Variants in EPHA6 observed in about 807,000 individuals in gnomAD.
The protein encoded by EPHA6 is ephrin type-A receptor 6.
A neutral mutation model predicts 112.0 loss-of-function variants in EPHA6; 50 were observed. The observed-to-expected ratio is 0.45, with a 90% CI of 0.36 to 0.56. The LOEUF (loss-of-function observed/expected upper bound fraction) is 0.56. Among genes scored for constraint, EPHA6 ranks in the 20% least tolerant of loss-of-function variants. The pLI, the probability that EPHA6 is intolerant of heterozygous loss-of-function variation, is 0.00. For missense variants in EPHA6, 1,280 were observed against 1,417.4 expected (o/e 0.90, Z 1.56); for synonymous variants, 529 against 490.7 (o/e 1.08, Z -1.03).
chr3:96,894,131 A>G lies in EPHA6; in HGVS notation c.450+27242A>G. 1.3e-5 allele frequency among the ~76,000 whole-genome samples: 2 copies of G among 152,102 alleles called. 1 individual carries two copies. The highest frequency in any genetic ancestry group is 3.9e-4 in the East Asian group (2 of 5,170). ...TTAGGGGCAGTGTTATGGGCTACAT[A>G]TTGAATTCATTTGTGATCTGGCACA... On this transcript the variant is annotated intron_variant, in intron 2 of 17. Transcript: ENST00000389672.
chr3:97,005,664 G>A (rs780519127), intron 3 of EPHA6, among the ~76,000 whole-genome samples: 8 of 152,106 alleles, frequency 5.3e-5, no homozygotes, highest in African/African-American at 1.2e-4. Flanking sequence ...TTGAATAGGC[G>A]TGGTAAGAGA....
intron 14 of EPHA6, chr3:97,648,536 C>CAACTTTAAG: frequency 7.9e-7 from 1 of 1,259,284 alleles, no homozygotes; most frequent in Middle Eastern, 2.9e-4. Context: ...TGAACATGTC[C>CAACTTTAAG]AACTTTAAGA....
At chr3:97,698,233 C>G (rs1315436569) in intron 14 of EPHA6, among the ~76,000 whole-genome samples, 1 of 152,092 alleles carries the variant, frequency 6.6e-6, no homozygotes, top group Non-Finnish European at 1.5e-5. Flanking sequence ...AACTCCTGAC[C>G]TCAGGTCTGC....
At chr3:97,518,211 G>A (rs2092477323) in intron 10 of EPHA6, among the ~76,000 whole-genome samples, 1 of 152,138 alleles carries the variant, frequency 6.6e-6, no homozygotes, top group Non-Finnish European at 1.5e-5. Flanking sequence ...TGCCAACAGT[G>A]CACAAGGTTT....
At chr3:97,646,075 G>A (rs555590979) in intron 14 of EPHA6, 10 of 1,400,686 alleles carry the variant, frequency 7.1e-6, no homozygotes, top group African/African-American at 4.3e-5. Context: ...ATCAAAATAC[G>A]GACAGAATAG....
chr3:96,833,021 G>C (rs1418872163), intron 1 of EPHA6, among the ~76,000 whole-genome samples: 1 of 151,616 alleles, frequency 6.6e-6, no homozygotes, highest in African/African-American at 2.4e-5. Flanking sequence ...TTGGCCCAGT[G>C]TTAAAGATTA....
At chr3:96,867,020 G>A (rs1230599977) in intron 2 of EPHA6, 131 bp downstream of exon 2, 1 of 461,272 alleles carries the variant, frequency 2.2e-6, no homozygotes, top group Non-Finnish European at 3.8e-6. Flanking sequence ...CATAGAAAAG[G>A]TTAAAATACA....
chr3:97,007,168 C>G (rs2043911609), intron 3 of EPHA6, among the ~76,000 whole-genome samples: 1 of 152,128 alleles, frequency 6.6e-6, no homozygotes, highest in Non-Finnish European at 1.5e-5. Flanking sequence ...TGTTAATTTT[C>G]TGTCTTGTTC....
chr3:97,693,889 A>AATC (rs756721465), intron 14 of EPHA6, among the ~76,000 whole-genome samples: 27 of 152,158 alleles, frequency 1.8e-4, no homozygotes, highest in Non-Finnish European at 2.9e-4. Flanking sequence ...CTATTATTAT[A>AATC]ATCATCATCA....
At chr3:97,047,654 TTTGC>T (rs2108074477) in intron 3 of EPHA6, among the ~76,000 whole-genome samples, 1 of 151,660 alleles carries the variant, frequency 6.6e-6, no homozygotes, top group African/African-American at 2.4e-5. Flanking sequence ...TGCAGTGAAA[TTTGC>T]TTGAAATCTA....
intron 6 of EPHA6, among the ~76,000 whole-genome samples, chr3:97,421,066 C>A (rs890860550): frequency 2.0e-5 from 3 of 151,918 alleles, no homozygotes; most frequent in African/African-American, 7.2e-5. Context: ...TAACATAATT[C>A]AGATCAAGCA....
intron 5 of EPHA6, among the ~76,000 whole-genome samples, chr3:97,307,548 C>T (rs913780079): frequency 3.3e-5 from 5 of 151,068 alleles, no homozygotes; most frequent in African/African-American, 4.8e-5. Context: ...AACTGAGATA[C>T]GTATTTTAGT....
Position 97,102,413 on chromosome 3 carries a change from G to A in EPHA6, c.1114+114420G>A, listed in dbSNP as rs186567776. On this transcript the variant is annotated intron_variant, in intron 3 of 17. Transcript: ENST00000389672. ...TTATTGTTATTTTAACCCATTAAAT[G>A]TGGGTAGGGGGATAGTGTATGACAA... is the stretch of plus-strand genomic sequence containing the variant. Among the ~76,000 whole-genome samples the A allele has an allele frequency of 2.0e-3, 311 of 152,216 alleles. 2 individuals are homozygous for A. The highest frequency in any genetic ancestry group is 6.9e-3 in the African/African-American group (285 of 41,558).
At chr3:97,546,064 A>G (rs1164675880) in intron 11 of EPHA6, among the ~76,000 whole-genome samples, 1 of 152,202 alleles carries the variant, frequency 6.6e-6, no homozygotes, top group African/African-American at 2.4e-5. Flanking sequence ...GCCCATTTAC[A>G]TTTAAAGTTA....
intron 11 of EPHA6, among the ~76,000 whole-genome samples, chr3:97,564,594 G>A (rs2093236100): frequency 6.6e-6 from 1 of 151,974 alleles, no homozygotes; most frequent in Admixed American, 6.6e-5. Context: ...AAATCACAGA[G>A]TATTAAAAAC....
At chr3:97,412,318 T>C (rs1400135981) in intron 6 of EPHA6, among the ~76,000 whole-genome samples, 1 of 152,056 alleles carries the variant, frequency 6.6e-6, no homozygotes, top group African/African-American at 2.4e-5. Flanking sequence ...TTCTGCTAAA[T>C]TGCTATATTT....
At chr3:97,079,868 T>G (rs529075928) in intron 3 of EPHA6, among the ~76,000 whole-genome samples, 1 of 151,846 alleles carries the variant, frequency 6.6e-6, no homozygotes, top group African/African-American at 2.4e-5. Context: ...GCAAAAAAAT[T>G]ATGACTTGCT....
intron 10 of EPHA6, among the ~76,000 whole-genome samples, chr3:97,487,516 AGGCTGTCTTCCTC>A: frequency 6.6e-6 from 1 of 152,320 alleles, no homozygotes; most frequent in Admixed American, 6.5e-5. Flanking sequence ...ACATGTATTC[AGGCTGTCTTCCTC>A]AATCTTTGTC....
chr3:97,420,502 A>T (rs769945319), intron 6 of EPHA6, among the ~76,000 whole-genome samples: 1 of 152,102 alleles, frequency 6.6e-6, no homozygotes, highest in Non-Finnish European at 1.5e-5. Context: ...CTAAAAAGGA[A>T]ATAGAAAACT....
Sources: gnomAD v4.1 joint callset for allele counts (sites outside exome capture counted in the v4.1 genomes callset) on GRCh38, gnomAD v4.1.1 for gene constraint, MANE v1.5 for transcripts, NCBI Gene and HGNC (gene_info 2026-07-23, HGNC 2026-07-21) for gene names.